The following SORCS2 variants were observed in gnomAD, a reference collection of about 807,000 sequenced individuals.
SORCS2 encodes VPS10 domain-containing receptor SorCS2.
A neutral mutation model predicts 141.6 loss-of-function variants in SORCS2; 100 were observed. The observed-to-expected ratio is 0.71, with a 90% CI of 0.60 to 0.83. The LOEUF is 0.83. Ranked by LOEUF, SORCS2 falls within the 40% of genes least tolerant of loss-of-function variation. The pLI is 0.00. For missense variants in SORCS2, 1,646 were observed against 1,560.2 expected (o/e 1.05, Z -0.93); for synonymous variants, 789 against 676.9 (o/e 1.17, Z -2.57).
At chr4:7,402,939 A>G (rs1002275791) in intron 2 of SORCS2, among the ~76,000 whole-genome samples, 2 of 150,606 alleles carry the variant, frequency 1.3e-5, no homozygotes, top group African/African-American at 4.9e-5. Context: ...GTACCTCTCT[A>G]CTCTAAAAAG....
At chr4:7,306,118 C>T (rs1717812213) in intron 1 of SORCS2, among the ~76,000 whole-genome samples, 1 of 152,158 alleles carries the variant, frequency 6.6e-6, no homozygotes, top group South Asian at 2.1e-4. Flanking sequence ...CCACCCTGTC[C>T]CCATCCCACG....
chr4:7,479,865 C>T (rs997281662), intron 2 of SORCS2, among the ~76,000 whole-genome samples: 1 of 152,208 alleles, frequency 6.6e-6, no homozygotes, highest in African/African-American at 2.4e-5. Flanking sequence ...TATTTGGTAC[C>T]CACGTGTGCT....
At chr4:7,721,706 G>C (rs138923338) in intron 18 of SORCS2, among the ~76,000 whole-genome samples, 1 of 152,188 alleles carries the variant, frequency 6.6e-6, no homozygotes, top group Non-Finnish European at 1.5e-5. Context: ...AAGGGCACCC[G>C]GTGGGGTCCT....
rs142466541 is a variant in SORCS2 at position 7,280,696 on chromosome 4, G to A, written c.480+87570G>A. On this transcript the variant is annotated intron_variant, in intron 1 of 26. Coordinates refer to ENST00000507866, the MANE Select transcript of SORCS2 (RefSeq NM_020777.3). The stretch of plus-strand genomic sequence containing the variant: ...AATGAATGACAGTTCTTTTTGCTCC[G>A]CATCCTCGCCAGCATTTTGTGTTTA... Among the ~76,000 whole-genome samples, 13 of 152,256 alleles carry A rather than the reference G, an allele frequency of 8.5e-5. 1 individual carries two copies. Among genetic ancestry groups the A allele is most frequent in the Middle Eastern group, 6.8e-3 (2 of 294 alleles).
chr4:7,419,971 A>G (rs1186671818), intron 2 of SORCS2, among the ~76,000 whole-genome samples: 2 of 152,226 alleles, frequency 1.3e-5, no homozygotes, highest in African/African-American at 4.8e-5. Context: ...GCAGGGACTC[A>G]GATTCCTTCC....
intron 1 of SORCS2, among the ~76,000 whole-genome samples, chr4:7,239,321 C>T (rs1453507527): frequency 1.3e-5 from 2 of 152,248 alleles, no homozygotes; most frequent in Admixed American, 6.5e-5. Flanking sequence ...GGGCTGTGGC[C>T]GGGAGGGCCC....
intron 1 of SORCS2, among the ~76,000 whole-genome samples, chr4:7,289,285 T>C (rs1427460527): frequency 6.6e-6 from 1 of 151,848 alleles, no homozygotes; most frequent in Non-Finnish European, 1.5e-5. Context: ...GCTCACTTCT[T>C]CTCCCTGGGA....
chr4:7,575,588 G>GTGCC (rs1303846179), intron 3 of SORCS2, among the ~76,000 whole-genome samples: 4 of 152,188 alleles, frequency 2.6e-5, no homozygotes, highest in Non-Finnish European at 5.9e-5. Context: ...CGCAATAACA[G>GTGCC]TGCCAAGTAT....
chr4:7,302,249 A>T (rs1717482279), intron 1 of SORCS2, among the ~76,000 whole-genome samples: 1 of 152,232 alleles, frequency 6.6e-6, no homozygotes, highest in Non-Finnish European at 1.5e-5. Context: ...CCAGGTGCAG[A>T]CAGGAGTCAG....
chr4:7,265,489 C>CAA (rs59391917), intron 1 of SORCS2, among the ~76,000 whole-genome samples: 5 of 151,706 alleles, frequency 3.3e-5, no homozygotes, highest in African/African-American at 4.8e-5. Context: ...GACTCCATCT[C>CAA]AAAAAAATAA....
intron 1 of SORCS2, among the ~76,000 whole-genome samples, chr4:7,254,915 C>G (rs780788704): frequency 4.6e-5 from 7 of 152,076 alleles, no homozygotes; most frequent in Non-Finnish European, 1.0e-4. Context: ...GGCTGTGTTC[C>G]CATGAGGTCC....
rs116127038 is a variant in SORCS2, at chr4:7,733,467, C to T, written c.3208+46C>T. 6.7e-4 allele frequency: 987 copies of T among 1,471,260 alleles called. 7 individuals are homozygous for T. The African/African-American group carries it at 0.012, about 17-fold the overall frequency. The allele number at this position is 1,471,260 out of a possible 1,614,324, so 91.1% of individuals were successfully genotyped here. A position where few individuals can be genotyped will look rare whatever the true frequency, so the allele number is the denominator to read the frequency against. On this transcript the variant is annotated intron_variant, in intron 24 of 26. Coordinates refer to ENST00000507866, the MANE Select transcript of SORCS2 (RefSeq NM_020777.3). ...CTGCGGAATGGGTGGAGGAGGCATC[C>T]GGGCCCTGGAGAAGCCATGTCCCTG...
intron 3 of SORCS2, among the ~76,000 whole-genome samples, chr4:7,614,748 C>A (rs187206063): frequency 3.3e-5 from 5 of 151,588 alleles, no homozygotes; most frequent in African/African-American, 1.2e-4. Flanking sequence ...TCCACCTATT[C>A]ATCCAACCAT....
intron 1 of SORCS2, among the ~76,000 whole-genome samples, chr4:7,325,711 A>G (rs75415357): frequency 0.013 from 1,913 of 152,216 alleles, 38 homozygotes; most frequent in African/African-American, 0.044. Flanking sequence ...CCCTTCTCAG[A>G]TGAGGGAATC....
intron 2 of SORCS2, among the ~76,000 whole-genome samples, chr4:7,446,890 C>T (rs909519979): frequency 6.6e-6 from 1 of 152,200 alleles, no homozygotes; most frequent in Non-Finnish European, 1.5e-5. Flanking sequence ...GCCCCATTTC[C>T]CATTGCAGAA....
At chr4:7,692,424 TCA>T (rs1303773082) in intron 11 of SORCS2, among the ~76,000 whole-genome samples, 2 of 152,192 alleles carry the variant, frequency 1.3e-5, no homozygotes, top group Non-Finnish European at 2.9e-5. Context: ...TCTCTGAGCC[TCA>T]GTTTCATCTG....
At chr4:7,200,381 C>A (rs551283889) in intron 1 of SORCS2, among the ~76,000 whole-genome samples, 154 of 152,280 alleles carry the variant, frequency 1.0e-3, no homozygotes, top group African/African-American at 3.5e-3. Context: ...TCTCTCCCTG[C>A]AGCGCTCAGC....
intron 1 of SORCS2, among the ~76,000 whole-genome samples, chr4:7,303,486 T>C (rs1226956489): frequency 1.3e-5 from 2 of 152,226 alleles, no homozygotes; most frequent in East Asian, 1.9e-4. Context: ...CTGACTTCAT[T>C]TGACATGCAA....
intron 4 of SORCS2, among the ~76,000 whole-genome samples, chr4:7,647,708 C>A (rs1484795785): frequency 6.6e-6 from 1 of 152,202 alleles, no homozygotes. Context: ...GGGTCGCCAG[C>A]CACCCAGGAT....
Sources: allele counts gnomAD v4.1 joint callset (sites outside exome capture counted in the v4.1 genomes callset), GRCh38; gene constraint gnomAD v4.1.1; transcripts MANE v1.5; gene names NCBI Gene and HGNC (gene_info 2026-07-23, HGNC 2026-07-21).